DLG2: variants seen among roughly 807,000 people sequenced by gnomAD.
DLG2 encodes discs large MAGUK scaffold protein 2, also known as disks large homolog 2.
A neutral mutation model predicts 132.5 loss-of-function variants in DLG2; 45 were observed. The observed-to-expected ratio is 0.34, with a 90% confidence interval of 0.27 to 0.44. The LOEUF (loss-of-function observed/expected upper bound fraction) is 0.44. Among genes scored for constraint, DLG2 ranks in the 20% least tolerant of loss-of-function variants. The probability of loss-of-function intolerance (pLI) is 1.00; values close to 1 mark genes in which losing one functional copy is unlikely to be tolerated. For synonymous variants in DLG2, 424 were observed against 419.6 expected (o/e 1.01, Z -0.13); for missense variants, 1,045 against 1,196.9 (o/e 0.87, Z 1.87).
intron 3 of DLG2, among the ~76,000 whole-genome samples, chr11:85,595,734 C>G (rs2079706591): frequency 6.6e-6 from 1 of 152,066 alleles, no homozygotes; most frequent in Non-Finnish European, 1.5e-5. Flanking sequence ...TTGTTACTTA[C>G]CATAAAAGCA....
intron 3 of DLG2, among the ~76,000 whole-genome samples, chr11:85,545,803 G>T (rs2076280345): frequency 6.6e-6 from 1 of 152,116 alleles, no homozygotes; most frequent in Non-Finnish European, 1.5e-5. Flanking sequence ...TTCTCTGATG[G>T]TAGTTTGTAT....
chr11:84,729,329 G>A lies in DLG2; in HGVS notation c.358-194598C>T, dbSNP rs542404206. ...AAAGAACATCTTTATTTCTGCCTTC[G>A]TTATTTACCCAGTAGTCATTAAGGA... On this transcript the variant is annotated intron_variant, in intron 6 of 27. Coordinates refer to ENST00000376104, the MANE Select transcript of DLG2 (RefSeq NM_001142699.3). Among the ~76,000 whole-genome samples, 5 of 150,810 alleles carry A rather than the reference G, an allele frequency of 3.3e-5. No individual in the cohort carries two copies. The South Asian group carries it at 8.4e-4, about 25-fold the overall frequency.
chr11:85,561,713 A>G (rs984636533), intron 3 of DLG2, among the ~76,000 whole-genome samples: 3 of 152,006 alleles, frequency 2.0e-5, no homozygotes, highest in Non-Finnish European at 4.4e-5. Context: ...TCATTATGCT[A>G]TAAATCTTAC....
intron 3 of DLG2, among the ~76,000 whole-genome samples, chr11:85,325,292 C>A (rs1242194754): frequency 6.6e-6 from 1 of 152,228 alleles, no homozygotes; most frequent in Non-Finnish European, 1.5e-5. Context: ...GGCCTGTCTG[C>A]CTCTGTAGGC....
chr11:84,650,709 C>T (rs1381012156), intron 6 of DLG2, among the ~76,000 whole-genome samples: 1 of 151,742 alleles, frequency 6.6e-6, no homozygotes, highest in Non-Finnish European at 1.5e-5. Context: ...TATGATGTTA[C>T]TTTTTCAATA....
chr11:84,058,946 AATT>A (rs1310946165), intron 11 of DLG2, among the ~76,000 whole-genome samples: 1 of 152,056 alleles, frequency 6.6e-6, no homozygotes, highest in East Asian at 1.9e-4. Context: ...AGATTATTTT[AATT>A]ATTATTTATA....
chr11:85,523,190 G>C (rs1041173162), intron 3 of DLG2, among the ~76,000 whole-genome samples: 1 of 152,142 alleles, frequency 6.6e-6, no homozygotes, highest in Non-Finnish European at 1.5e-5. Flanking sequence ...GGTTTTGTGA[G>C]GGGCTTTTTC....
intron 14 of DLG2, among the ~76,000 whole-genome samples, chr11:83,953,377 CAAAGGAGCG>C (rs955810129): frequency 2.0e-5 from 3 of 152,156 alleles, no homozygotes; most frequent in Admixed American, 6.5e-5. Context: ...ATTAGATTCT[CAAAGGAGCG>C]AACCCTACTG....
intron 4 of DLG2, among the ~76,000 whole-genome samples, chr11:85,236,145 C>G (rs575225954): frequency 2.6e-5 from 4 of 152,008 alleles, no homozygotes; most frequent in Admixed American, 2.0e-4. Context: ...GATTATTAAT[C>G]TCACTTTACA....
At chr11:83,512,891 A>G (rs1292306993) in intron 21 of DLG2, among the ~76,000 whole-genome samples, 2 of 152,174 alleles carry the variant, frequency 1.3e-5, no homozygotes, top group Non-Finnish European at 2.9e-5. Context: ...ATAGTATTCC[A>G]TGGTGTATAT....
chr11:83,550,284 A>G (rs1454692659), intron 19 of DLG2, among the ~76,000 whole-genome samples: 1 of 152,194 alleles, frequency 6.6e-6, no homozygotes, highest in Admixed American at 6.6e-5. Flanking sequence ...GGGAAGAAGC[A>G]TAACTTCCAG....
chr11:83,939,729 T>C (rs1442436742), intron 14 of DLG2, among the ~76,000 whole-genome samples: 1 of 152,204 alleles, frequency 6.6e-6, no homozygotes, highest in African/African-American at 2.4e-5. Context: ...TCTGAATATA[T>C]TTAGCAAAAT....
chr11:85,107,420 T>C (rs2071945484), intron 6 of DLG2, among the ~76,000 whole-genome samples: 1 of 152,064 alleles, frequency 6.6e-6, no homozygotes, highest in Non-Finnish European at 1.5e-5. Flanking sequence ...CTCAAAATGA[T>C]TAAATCCATG....
At chr11:83,982,279 G>C (rs984683978) in intron 11 of DLG2, among the ~76,000 whole-genome samples, 5 of 151,800 alleles carry the variant, frequency 3.3e-5, no homozygotes, top group Non-Finnish European at 7.4e-5. Context: ...ACTCTTTCAG[G>C]AGGTATCCTA....
At chr11:84,351,421 C>T (rs78975163) in intron 7 of DLG2, among the ~76,000 whole-genome samples, 7,552 of 152,060 alleles carry the variant, frequency 0.05, 635 homozygotes, top group African/African-American at 0.17. Context: ...AAATAAGAGG[C>T]AAATATGCAT....
At chr11:84,505,539 A>G (rs1177394897) in intron 7 of DLG2, among the ~76,000 whole-genome samples, 3 of 152,288 alleles carry the variant, frequency 2.0e-5, no homozygotes, top group East Asian at 3.9e-4. Flanking sequence ...GGCTTTGAGC[A>G]AGTGTTTAAA....
chr11:84,209,617 T>TA (rs71036408), intron 8 of DLG2, among the ~76,000 whole-genome samples: 112,794 of 149,402 alleles, frequency 0.75, 44,607 homozygotes, highest in Middle Eastern at 0.91. Context: ...TGTTCCAAAA[T>TA]AAAAAAAAAA....
At chr11:85,617,258 T>C (rs905808732) in intron 2 of DLG2, among the ~76,000 whole-genome samples, 1 of 152,226 alleles carries the variant, frequency 6.6e-6, no homozygotes, top group African/African-American at 2.4e-5. Flanking sequence ...TAACACAGGA[T>C]GTGATTATAT....
At chr11:84,473,187 C>G (rs1292370407) in intron 7 of DLG2, among the ~76,000 whole-genome samples, 1 of 152,002 alleles carries the variant, frequency 6.6e-6, no homozygotes, top group African/African-American at 2.4e-5. Flanking sequence ...TGTTCTGCAA[C>G]AGTTGACTGA....
Sources: gnomAD v4.1 joint callset for allele counts (sites outside exome capture counted in the v4.1 genomes callset) on GRCh38, gnomAD v4.1.1 for gene constraint, MANE v1.5 for transcripts, NCBI Gene and HGNC (gene_info 2026-07-23, HGNC 2026-07-21) for gene names.